Variants in SLC27A6 observed in about 807,000 individuals in gnomAD.
The protein encoded by SLC27A6 is solute carrier family 27 member 6, also known as long-chain fatty acid transport protein 6.
Under a neutral mutation model 63.9 loss-of-function variants are expected in SLC27A6, and 74 were observed. The ratio of observed to expected loss-of-function variants is 1.16; its 90% CI spans 0.96 to 1.40. The LOEUF (loss-of-function observed/expected upper bound fraction) is 1.40, where lower values mean the gene tolerates loss of function less well. Among genes scored for constraint, SLC27A6 ranks in the 40% most tolerant of loss-of-function variants. The probability of loss-of-function intolerance (pLI) is 0.00; values close to 1 mark genes in which losing one functional copy is unlikely to be tolerated. For missense variants in SLC27A6, 794 were observed against 732.9 expected (o/e 1.08, Z -0.96); for synonymous variants, 287 against 260.8 (o/e 1.10, Z -0.97).
At chr5:129,030,508 A>G (rs900531117) in intron 9 of SLC27A6, among the ~76,000 whole-genome samples, 1 of 151,982 alleles carries the variant, frequency 6.6e-6, no homozygotes, top group Non-Finnish European at 1.5e-5. Flanking sequence ...TGCTTATTCA[A>G]TGGGACACAT....
chr5:129,002,514 TTCCCTCCCTCTCTCCCACCC>T (rs1751378256), intron 4 of SLC27A6, among the ~76,000 whole-genome samples: 1 of 90,808 alleles, frequency 1.1e-5, no homozygotes, highest in South Asian at 3.6e-4. Flanking sequence ...CGTTCCCTGG[TTCCCTCCCTCTCTCCCACCC>T]TCCCTCACTC....
intron 5 of SLC27A6, among the ~76,000 whole-genome samples, chr5:129,017,982 A>G (rs2150150964): frequency 6.6e-6 from 1 of 152,242 alleles, no homozygotes; most frequent in East Asian, 1.9e-4. Flanking sequence ...TCCAAACCTG[A>G]CGTAATAGTG....
At chr5:128,979,744 A>G (rs1330753425) in intron 1 of SLC27A6, among the ~76,000 whole-genome samples, 1 of 152,168 alleles carries the variant, frequency 6.6e-6, no homozygotes, top group Admixed American at 6.6e-5. Flanking sequence ...TTATTATATT[A>G]TAATAATATT....
intron 6 of SLC27A6, among the ~76,000 whole-genome samples, chr5:129,025,036 T>C (rs1415903728): frequency 6.6e-6 from 1 of 152,296 alleles, no homozygotes; most frequent in East Asian, 1.9e-4. Flanking sequence ...AAGTGCACTT[T>C]TCTACTGTTC....
At chr5:129,019,476 A>G (rs1454504838) in intron 5 of SLC27A6, among the ~76,000 whole-genome samples, 3 of 145,080 alleles carry the variant, frequency 2.1e-5, no homozygotes, top group Admixed American at 7.0e-5. Context: ...AGGCAGCTGG[A>G]AAAAAAAATG....
rs961355610 is a variant in SLC27A6, at chr5:128,991,066, C to T, written c.969+602C>T. 2.0e-5 allele frequency among the ~76,000 whole-genome samples: 3 copies of T among 152,300 alleles called. No homozygotes were observed. The South Asian group carries it at 6.2e-4, about 32-fold the overall frequency. ...AACAGAACTCTCATACAACGGGAGG[C>T]GACCCAAAGCAGGTTGCCACTGCCG... On this transcript the variant is annotated intron_variant, in intron 4 of 9. Transcript: ENST00000262462.
chr5:128,975,818 ATCATTCCCTT>A (rs1245315855), intron 1 of SLC27A6, among the ~76,000 whole-genome samples: 3 of 152,286 alleles, frequency 2.0e-5, no homozygotes, highest in African/African-American at 7.2e-5. Flanking sequence ...GTATTCAAGC[ATCATTCCCTT>A]TCAGTAAATA....
intron 4 of SLC27A6, among the ~76,000 whole-genome samples, chr5:128,992,995 C>G (rs1459099520): frequency 6.6e-6 from 1 of 152,188 alleles, no homozygotes; most frequent in East Asian, 1.9e-4. Flanking sequence ...TAAAATTTAC[C>G]AACTTAATGC....
At chr5:129,020,041 A>G (rs1481437449) in intron 5 of SLC27A6, among the ~76,000 whole-genome samples, 4 of 152,124 alleles carry the variant, frequency 2.6e-5, no homozygotes, top group African/African-American at 7.2e-5. Flanking sequence ...AAAAGAACCA[A>G]AAGGAGATTT....
Position 129,027,567 on chromosome 5 carries a change from C to T in SLC27A6, c.1454+236C>T, listed in dbSNP as rs1752285849. On this transcript the variant is annotated intron_variant, in intron 7 of 9. Coordinates refer to ENST00000262462, the MANE Select transcript of SLC27A6 (RefSeq NM_001017372.3). ...CAGTTTAGAACAAATCAGTGAGCTC[C>T]TTTTTAAGGAAATAAAACTGGCAGA... 2.0e-5 allele frequency among the ~76,000 whole-genome samples: 3 copies of T among 151,982 alleles called. No individual in the cohort carries two copies. The South Asian group carries it at 6.2e-4, about 32-fold the overall frequency.
intron 4 of SLC27A6, among the ~76,000 whole-genome samples, chr5:129,009,399 A>G (rs1489369405): frequency 6.6e-6 from 1 of 151,960 alleles, no homozygotes; most frequent in Non-Finnish European, 1.5e-5. Flanking sequence ...CTACTCACAT[A>G]CTCACTATCC....
intron 4 of SLC27A6, among the ~76,000 whole-genome samples, chr5:129,010,450 G>A (rs769662585): frequency 1.3e-5 from 2 of 152,170 alleles, no homozygotes; most frequent in African/African-American, 4.8e-5. Context: ...AGATTATCCT[G>A]GTGGATACAA....
At chr5:128,995,002 C>T (rs898943516) in intron 4 of SLC27A6, among the ~76,000 whole-genome samples, 2 of 152,206 alleles carry the variant, frequency 1.3e-5, no homozygotes, top group Admixed American at 1.3e-4. Flanking sequence ...TCCTGTTAGT[C>T]ATGGTGAGAT....
rs375953879 is a variant in SLC27A6 at position 129,009,737 on chromosome 5, C to T, written c.970-6148C>T. On this transcript the variant is annotated intron_variant, in intron 4 of 9. Transcript: ENST00000262462. ...TTGCCCCGGCTGGAGTGCAGTGGCG[C>T]GATCTCGGCTCACTGCAACCTCCAC... is the stretch of plus-strand genomic sequence containing the variant. 1.2e-4 allele frequency among the ~76,000 whole-genome samples: 19 copies of T among 152,072 alleles called. No homozygotes were observed. In the East Asian group the frequency reaches 1.7e-3, roughly 14 times the overall value.
chr5:128,986,831 C>T (rs1037216999), intron 2 of SLC27A6, among the ~76,000 whole-genome samples: 2 of 152,088 alleles, frequency 1.3e-5, no homozygotes, highest in Non-Finnish European at 1.5e-5. Context: ...GTGGCAGACA[C>T]CGCAGACCCA....
At position 128,985,521 on chromosome 5, in the gene SLC27A6, T is replaced by C. The variant is rs1018246608; in HGVS notation, c.685+185T>C. On this transcript the variant is annotated intron_variant, in intron 2 of 9. Coordinates refer to ENST00000262462, the MANE Select transcript of SLC27A6 (RefSeq NM_001017372.3). ...GAAAGTTAATTATCTTAACTTTTAC[T>C]TGAAAAGTCATTGTGTTCATTTGGC... 2.6e-5 allele frequency among the ~76,000 whole-genome samples: 4 copies of C among 152,204 alleles called. No homozygotes were observed. In the East Asian group the frequency reaches 7.7e-4, roughly 29 times the overall value.
At chr5:128,973,442 C>T (rs894265893) in intron 1 of SLC27A6, among the ~76,000 whole-genome samples, 25 of 152,204 alleles carry the variant, frequency 1.6e-4, no homozygotes, top group African/African-American at 4.1e-4. Flanking sequence ...TTCGATCTTC[C>T]GCACTGCTTT....
At chr5:128,979,185 T>G (rs1345588453) in intron 1 of SLC27A6, among the ~76,000 whole-genome samples, 1 of 100,406 alleles carries the variant, frequency 1.0e-5, no homozygotes, top group Non-Finnish European at 2.5e-5. Context: ...TGCTCAGGTC[T>G]CTTCATTTGA....
intron 1 of SLC27A6, among the ~76,000 whole-genome samples, chr5:128,982,830 A>C (rs963738745): frequency 3.3e-5 from 5 of 152,160 alleles, no homozygotes; most frequent in Non-Finnish European, 4.4e-5. Flanking sequence ...CTTATATTTT[A>C]CTTAGATTTG....
Sources: gnomAD v4.1 joint callset for allele counts (sites outside exome capture counted in the v4.1 genomes callset) on GRCh38, gnomAD v4.1.1 for gene constraint, MANE v1.5 for transcripts, NCBI Gene and HGNC (gene_info 2026-07-23, HGNC 2026-07-21) for gene names.